CCDC160: variants seen among roughly 807,000 people sequenced by gnomAD.
CCDC160 encodes coiled-coil domain containing 160.
For synonymous variants in CCDC160, 94 were observed against 79.4 expected (o/e 1.18, Z -0.98); for missense variants, 227 against 215.6 (o/e 1.05, Z -0.33).
At chrX:134,246,300 A>G (rs2077043158), downstream of CCDC160, 1 of 111,362 alleles carries the variant, frequency 9.0e-6, no homozygotes, top group Non-Finnish European at 1.9e-5. Flanking sequence ...TTAATTCGGT[A>G]CATATAAACA....
intron 1 of CCDC160, among the ~76,000 whole-genome samples, chrX:134,244,533 C>T (rs1006287898): frequency 1.8e-5 from 2 of 111,848 alleles, no homozygotes; most frequent in African/African-American, 6.5e-5. Flanking sequence ...TGTCAGTTTA[C>T]TAGTTCTATT....
Position 134,239,250 on chromosome X carries a change from T to C in CCDC160, c.-25+1907T>C, listed in dbSNP as rs187470784. Among the ~76,000 whole-genome samples, 9 of 112,076 alleles carry C rather than the reference T, an allele frequency of 8.0e-5. No individual in the cohort carries two copies. The East Asian group carries it at 2.5e-3, about 31-fold the overall frequency. On this transcript the variant is annotated intron_variant, in intron 1 of 1. Coordinates refer to ENST00000370809, the Ensembl canonical transcript of CCDC160. ...AGCATATTTGTATAATAAAGGTCTG[T>C]GTGAAATGCCACAGAAGCACAGGAA... is the stretch of plus-strand genomic sequence containing the variant.
At chrX:134,243,410 A>T (rs1033230733) in intron 1 of CCDC160, 1 of 658,859 alleles carries the variant, frequency 1.5e-6, no homozygotes, top group Non-Finnish European at 1.8e-6. Context: ...AGGTATGTTC[A>T]GTACCTGTAG....
intron 1 of CCDC160, among the ~76,000 whole-genome samples, chrX:134,243,968 C>T (rs1226283505): frequency 2.7e-5 from 3 of 111,365 alleles, no homozygotes; most frequent in African/African-American, 9.8e-5. Flanking sequence ...GTAGGGAAGA[C>T]TCTTTTTGGA....
intron 1 of CCDC160, among the ~76,000 whole-genome samples, chrX:134,239,973 C>T (rs1263679027): frequency 3.6e-5 from 4 of 111,911 alleles, no homozygotes; most frequent in Middle Eastern, 4.2e-3. Flanking sequence ...CACAATGTTG[C>T]ATGGTAAAAC....
chrX:134,246,581 G>A (rs1394894234), downstream of CCDC160, among the ~76,000 whole-genome samples: 5 of 112,155 alleles, frequency 4.5e-5, no homozygotes, highest in Non-Finnish European at 9.4e-5. Context: ...GGGGACTGTG[G>A]TGAAGTTGGA....
At chrX:134,240,664 CTTTTTTTTTTTT>C (rs3045487) in intron 1 of CCDC160, among the ~76,000 whole-genome samples, 5 of 27,169 alleles carry the variant, frequency 1.8e-4, no homozygotes, top group African/African-American at 3.2e-4. Context: ...AAACCAAATT[CTTTTTTTTTTTT>C]TTTTTTTTTT....
chrX:134,242,010 C>A (rs890468887), intron 1 of CCDC160, among the ~76,000 whole-genome samples: 1 of 111,290 alleles, frequency 9.0e-6, no homozygotes, highest in Non-Finnish European at 1.9e-5. Context: ...ATGAGACTGG[C>A]AGCTTTTACC....
chrX:134,243,573 G>A (rs975245966), intron 1 of CCDC160, among the ~76,000 whole-genome samples: 2 of 112,005 alleles, frequency 1.8e-5, no homozygotes, highest in African/African-American at 6.5e-5. Context: ...TCTGTTTTCT[G>A]TGCTTTTCTC....
intron 1 of CCDC160, among the ~76,000 whole-genome samples, chrX:134,242,662 G>A (rs1439362547): frequency 9.0e-6 from 1 of 110,614 alleles, no homozygotes; most frequent in Non-Finnish European, 1.9e-5. Context: ...TTTTCAAGGA[G>A]CAAAATTATT....
At chrX:134,245,966 A>G (rs748452590), downstream of CCDC160, 1 of 349,649 alleles carries the variant, frequency 2.9e-6, no homozygotes, top group Non-Finnish European at 4.8e-6. Flanking sequence ...TATTGCAGGA[A>G]TACAAATGGA....
chrX:134,242,067 C>T (rs2077029027), intron 1 of CCDC160, among the ~76,000 whole-genome samples: 1 of 111,072 alleles, frequency 9.0e-6, no homozygotes, highest in Non-Finnish European at 1.9e-5. Context: ...TGGGAACAAG[C>T]CCTTAAAGGA....
rs746654410 is a variant in CCDC160, at chrX:134,245,443, A to G, written c.643A>G (p.Thr215Ala). ...AAGAAATGACCTGTCTGAAAAAGCA[A>G]CAAATGTAAAAAACTTAAGTGAACA... is the stretch of plus-strand genomic sequence containing the variant. Residue 215 changes from threonine to alanine, a missense_variant, in exon 2 of 2, where the codon ACA becomes GCA. Thr to Ala is a moderately conservative substitution (Grantham distance 58). Transcript: ENST00000370809. The G allele has an allele frequency of 5.1e-6, 6 of 1,183,556 alleles. No homozygotes were observed. In the East Asian group the frequency reaches 1.8e-4, roughly 36 times the overall value.
At chrX:134,243,814 T>G (rs1261019039) in intron 1 of CCDC160, among the ~76,000 whole-genome samples, 1 of 111,597 alleles carries the variant, frequency 9.0e-6, no homozygotes, top group Non-Finnish European at 1.9e-5. Flanking sequence ...TAGGGCTAAC[T>G]TCAGCTACCA....
chrX:134,246,434 A>G (rs1435673351), downstream of CCDC160, among the ~76,000 whole-genome samples: 1 of 111,928 alleles, frequency 8.9e-6, no homozygotes, highest in Non-Finnish European at 1.9e-5. Flanking sequence ...ACCTTTTGCT[A>G]GAGCCCTGCT....
Position 134,244,824 on chromosome X carries a change from G to A in CCDC160, c.24G>A (p.Trp8Ter). The A allele has an allele frequency of 2.6e-6, 3 of 1,169,957 alleles. No homozygotes were observed. Among genetic ancestry groups the A allele is most frequent in the Non-Finnish European group, 1.1e-6 (1 of 876,841 alleles). Reference sequence around the variant, plus strand: ...AAATGGATGCTAGAAGAAAACACTGGAAGGAGAATATGTTTACTCCTTTTT... The same window carrying A: ...AAATGGATGCTAGAAGAAAACACTGAAAGGAGAATATGTTTACTCCTTTTT... The change falls in exon 2 of 2, where the codon TGG (tryptophan) becomes TGA (stop). Residue 8 changes from tryptophan to a stop codon, truncating the protein, a stop_gained. Coordinates refer to ENST00000370809, the Ensembl canonical transcript of CCDC160. LOFTEE classifies it low-confidence loss of function (END_TRUNC).
At chrX:134,237,314 G>A (rs1168637202) in exon 1 of CCDC160, 1 of 112,833 alleles carries the variant, frequency 8.9e-6, no homozygotes, top group African/African-American at 3.2e-5. Flanking sequence ...AGAGAGGTTC[G>A]GGCTCTCCAG....
chrX:134,243,636 T>A (rs775911871), intron 1 of CCDC160, among the ~76,000 whole-genome samples: 1 of 112,482 alleles, frequency 8.9e-6, no homozygotes, highest in East Asian at 2.8e-4. Flanking sequence ...AAGAAATAAA[T>A]GCAACATTTG....
chrX:134,246,591 A>G (rs1268093847), downstream of CCDC160, among the ~76,000 whole-genome samples: 3 of 112,026 alleles, frequency 2.7e-5, no homozygotes, highest in Admixed American at 9.5e-5. Flanking sequence ...GTGAAGTTGG[A>G]TGTCATCTGG....
Sources: allele counts gnomAD v4.1 joint callset (sites outside exome capture counted in the v4.1 genomes callset), GRCh38; gene constraint gnomAD v4.1.1; transcripts MANE v1.5; gene names NCBI Gene and HGNC (gene_info 2026-07-23, HGNC 2026-07-21).